MAML3: variants seen among roughly 807,000 people sequenced by gnomAD.
MAML3 encodes the protein mastermind like transcriptional coactivator 3, also known as mastermind-like protein 3.
MAML3 carries 27 observed loss-of-function variants against 101.9 expected under a neutral mutation model. That is an observed-to-expected ratio of 0.27 (90% CI 0.20 to 0.37). MAML3 has a LOEUF of 0.37. Among genes scored for constraint, MAML3 ranks in the 10% least tolerant of loss-of-function variants. The probability of loss-of-function intolerance (pLI) is 1.00; values close to 1 mark genes in which losing one functional copy is unlikely to be tolerated. For synonymous variants in MAML3, 501 were observed against 555.9 expected (o/e 0.90, Z 1.39); for missense variants, 1,316 against 1,444.9 (o/e 0.91, Z 1.45).
At chr4:139,746,836 A>T (rs971041133) in intron 2 of MAML3, among the ~76,000 whole-genome samples, 2 of 152,198 alleles carry the variant, frequency 1.3e-5, no homozygotes, top group African/African-American at 4.8e-5. Flanking sequence ...AGAGAGACGG[A>T]TTGCTTTCCT....
intron 2 of MAML3, among the ~76,000 whole-genome samples, chr4:139,822,022 T>G (rs1216711694): frequency 6.6e-6 from 1 of 152,170 alleles, no homozygotes; most frequent in Non-Finnish European, 1.5e-5. Context: ...CACAGCTTTC[T>G]TAGCTCTTTC....
chr4:139,778,320 A>C (rs1429045811), intron 2 of MAML3, among the ~76,000 whole-genome samples: 1 of 152,180 alleles, frequency 6.6e-6, no homozygotes, highest in Non-Finnish European at 1.5e-5. Context: ...TTTTGAAGTG[A>C]AGTGAGGGCC....
At chr4:139,763,635 T>C (rs1729799552) in intron 2 of MAML3, among the ~76,000 whole-genome samples, 1 of 152,224 alleles carries the variant, frequency 6.6e-6, no homozygotes, top group Non-Finnish European at 1.5e-5. Context: ...ATGTTGATGC[T>C]GCCCCTGTTT....
rs778488045 is a variant in MAML3 at position 140,134,404 on chromosome 4, CATAGAT to C, written c.468+18450_468+18455del. ...CTCTGAATCACCTCCAGGGCACAGG[CATAGAT>C]GTTCCCCAACCCTGAATGCTACAGC... On this transcript the variant is annotated intron_variant, in intron 1 of 4. Coordinates refer to ENST00000509479, the MANE Select transcript of MAML3 (RefSeq NM_018717.5). The C allele has an allele frequency of 4.8e-5, 22 of 456,564 alleles. 1 individual carries two copies. The highest frequency in any genetic ancestry group is 3.3e-4 in the South Asian group (21 of 64,580). The allele number at this position is 456,564 out of a possible 1,614,324, so 28.3% of individuals were successfully genotyped here. A position where few individuals can be genotyped will look rare whatever the true frequency, so the allele number is the denominator to read the frequency against.
chr4:139,920,185 CTT>C (rs1164349998), intron 1 of MAML3, among the ~76,000 whole-genome samples: 2 of 152,140 alleles, frequency 1.3e-5, no homozygotes, highest in Non-Finnish European at 2.9e-5. Flanking sequence ...ATGACATTCA[CTT>C]TTTTTGCCTT....
chr4:139,794,027 G>A (rs1467895076), intron 2 of MAML3: 1 of 152,172 alleles, frequency 6.6e-6, no homozygotes, highest in African/African-American at 2.4e-5. Flanking sequence ...GTCCTACATG[G>A]ATATTCCATA....
At chr4:139,761,720 G>A (rs1449744016) in intron 2 of MAML3, among the ~76,000 whole-genome samples, 2 of 151,962 alleles carry the variant, frequency 1.3e-5, no homozygotes, top group Non-Finnish European at 2.9e-5. Flanking sequence ...CCCCTCAACA[G>A]ATGCCTGTGA....
intron 2 of MAML3, among the ~76,000 whole-genome samples, chr4:139,835,488 A>G (rs890418449): frequency 1.3e-5 from 2 of 152,246 alleles, no homozygotes; most frequent in Non-Finnish European, 2.9e-5. Context: ...AAAACAGACT[A>G]GTCCATAACT....
At chr4:139,993,710 C>G (rs985771453) in intron 1 of MAML3, among the ~76,000 whole-genome samples, 1 of 151,970 alleles carries the variant, frequency 6.6e-6, no homozygotes, top group African/African-American at 2.4e-5. Flanking sequence ...CACCTGTAAT[C>G]CCAGCTACTC....
chr4:139,884,217 A>T (rs1732280203), intron 2 of MAML3, among the ~76,000 whole-genome samples: 1 of 152,128 alleles, frequency 6.6e-6, no homozygotes, highest in Admixed American at 6.6e-5. Context: ...CTTCCAAGAG[A>T]TTTCCATGAT....
chr4:139,783,892 T>C (rs4292284), intron 2 of MAML3, among the ~76,000 whole-genome samples: 50,699 of 152,132 alleles, frequency 0.33, 8,597 homozygotes, highest in Admixed American at 0.35. Context: ...CATTTTAACA[T>C]GCAGATTGAC....
At chr4:140,067,901 T>C (rs979643113) in intron 1 of MAML3, among the ~76,000 whole-genome samples, 4 of 152,132 alleles carry the variant, frequency 2.6e-5, no homozygotes, top group Non-Finnish European at 4.4e-5. Context: ...GCCCGGCTAA[T>C]TTTGTACTTT....
chr4:139,905,797 CT>C, intron 1 of MAML3, among the ~76,000 whole-genome samples: 1 of 152,146 alleles, frequency 6.6e-6, no homozygotes, highest in South Asian at 2.1e-4. Flanking sequence ...TCCAAATTTC[CT>C]CTTCTTATAT....
At chr4:139,832,015 G>A (rs1039673744) in intron 2 of MAML3, among the ~76,000 whole-genome samples, 2 of 149,934 alleles carry the variant, frequency 1.3e-5, no homozygotes, top group Admixed American at 6.7e-5. Context: ...GGATGGTCTC[G>A]ATCTCCTGAC....
In MAML3 at chr4:140,153,225, T is replaced by C; in HGVS notation, c.103A>G (p.Asn35Asp). The C allele has an allele frequency of 6.3e-7, 1 of 1,575,726 alleles. No individual in the cohort carries two copies. Residue 35 changes from asparagine to aspartate, a missense_variant, in exon 1 of 5, where the codon AAT becomes GAT. Physicochemically the swap from Asn to Asp is conservative, Grantham distance 23. Transcript: ENST00000509479. ...GCAGCGGGAGTACTATTGGGAGTAT[T>C]ATTCACACCGATCCCGGCCCCGCCG... ...SLGGAGIGVNNTPNSTPAAPS... is the reference protein window; with the variant it reads ...SLGGAGIGVNDTPNSTPAAPS...
At chr4:139,892,359 C>T (rs1732517277) in intron 1 of MAML3, among the ~76,000 whole-genome samples, 1 of 152,084 alleles carries the variant, frequency 6.6e-6, no homozygotes, top group Admixed American at 6.5e-5. Context: ...TTGAAACCTC[C>T]CACGTCAGCA....
chr4:139,791,379 C>T (rs534865235), intron 2 of MAML3, among the ~76,000 whole-genome samples: 21 of 152,004 alleles, frequency 1.4e-4, no homozygotes, highest in African/African-American at 5.1e-4. Flanking sequence ...TGCCTGTAAT[C>T]CCAGCTACTC....
chr4:140,029,941 G>GT (rs36068397), intron 1 of MAML3, among the ~76,000 whole-genome samples: 2 of 152,212 alleles, frequency 1.3e-5, no homozygotes, highest in South Asian at 4.2e-4. Flanking sequence ...AATAAGTTGG[G>GT]TTTTTTCCCT....
At chr4:139,790,979 TC>T (rs2111091240) in intron 2 of MAML3, among the ~76,000 whole-genome samples, 1 of 152,292 alleles carries the variant, frequency 6.6e-6, no homozygotes, top group East Asian at 1.9e-4. Context: ...AGAGATGATA[TC>T]ATTTAAAGAG....
Sources: allele counts gnomAD v4.1 joint callset (sites outside exome capture counted in the v4.1 genomes callset), GRCh38; gene constraint gnomAD v4.1.1; transcripts MANE v1.5; gene names NCBI Gene and HGNC (gene_info 2026-07-23, HGNC 2026-07-21).